NETO2: variants seen among roughly 807,000 people sequenced by gnomAD.
The protein encoded by NETO2 is neuropilin and tolloid like 2.
A neutral mutation model predicts 62.5 loss-of-function variants in NETO2; 28 were observed. The observed-to-expected ratio is 0.45, with a 90% CI of 0.33 to 0.61. The LOEUF (loss-of-function observed/expected upper bound fraction) is 0.61, where lower values mean the gene tolerates loss of function less well. NETO2 is among the 20% of genes least tolerant of loss of function. The probability of loss-of-function intolerance (pLI) is 0.02; values close to 1 mark genes in which losing one functional copy is unlikely to be tolerated. For missense variants in NETO2, 548 were observed against 643.2 expected, an observed-to-expected ratio of 0.85 and a Z score of 1.60; for synonymous variants, 214 against 219.1, an observed-to-expected ratio of 0.98 and a Z score of 0.21.
At chr16:47,112,902 T>C (rs1963829778) in intron 6 of NETO2, among the ~76,000 whole-genome samples, 2 of 152,240 alleles carry the variant, frequency 1.3e-5, no homozygotes, top group Admixed American at 6.5e-5. Context: ...CACTTAATAT[T>C]TTCATACTTA....
At chr16:47,094,412 T>C (rs1359526924) in intron 7 of NETO2, among the ~76,000 whole-genome samples, 3 of 149,056 alleles carry the variant, frequency 2.0e-5, no homozygotes, top group South Asian at 2.1e-4. Flanking sequence ...GTTTTATTTA[T>C]TTACTTATTT....
intron 2 of NETO2, 91 bp from the exon 3 acceptor site, chr16:47,129,455 C>T (rs1427190860): frequency 1.5e-6 from 2 of 1,295,154 alleles, no homozygotes; most frequent in Non-Finnish European, 2.2e-6. Context: ...ATTGCTCACT[C>T]TATGCTACAT....
At chr16:47,114,187 T>C (rs1296358195) in intron 6 of NETO2, among the ~76,000 whole-genome samples, 1 of 152,158 alleles carries the variant, frequency 6.6e-6, no homozygotes, top group Non-Finnish European at 1.5e-5. Flanking sequence ...GTTATTCTAA[T>C]GGAGAATAGT....
chr16:47,097,588 G>T lies in NETO2; in HGVS notation c.884-11249C>A, dbSNP rs530271826. Among the ~76,000 whole-genome samples, 4 of 152,324 alleles carry T rather than the reference G, an allele frequency of 2.6e-5. No homozygotes were observed. The South Asian group carries it at 8.3e-4, about 32-fold the overall frequency. On this transcript the variant is annotated intron_variant, in intron 7 of 8. Coordinates refer to ENST00000562435, the MANE Select transcript of NETO2 (RefSeq NM_018092.5). ...AGCACCTGGGGGAAGGGGCCGCTGT[G>T]GGTGCAGCTTCAGCAGACTTAAACG... is the stretch of plus-strand genomic sequence containing the variant.
chr16:47,133,523 C>T (rs1188296713), intron 1 of NETO2, among the ~76,000 whole-genome samples: 1 of 151,798 alleles, frequency 6.6e-6, no homozygotes, highest in African/African-American at 2.4e-5. Context: ...CGTGCCACTG[C>T]ACTACTGCCT....
At chr16:47,143,469 A>T in intron 1 of NETO2, 110 bp downstream of exon 1, 2 of 1,158,436 alleles carry the variant, frequency 1.7e-6, no homozygotes, top group Non-Finnish European at 2.2e-6. Context: ...CCAGACAAAG[A>T]GGCGCGTCGG....
chr16:47,127,941 T>G (rs1033295038), intron 4 of NETO2, among the ~76,000 whole-genome samples: 6 of 152,352 alleles, frequency 3.9e-5, no homozygotes, highest in South Asian at 2.1e-4. Context: ...AGTGGTTAAT[T>G]CTAACAGCTA....
At chr16:47,093,858 C>A (rs1047110849) in intron 7 of NETO2, among the ~76,000 whole-genome samples, 73 of 152,324 alleles carry the variant, frequency 4.8e-4, no homozygotes, top group African/African-American at 1.7e-3. Flanking sequence ...TTTGTATTTA[C>A]AAACTCTGTA....
intron 6 of NETO2, among the ~76,000 whole-genome samples, chr16:47,112,403 G>C (rs1963819719): frequency 6.6e-6 from 1 of 152,130 alleles, no homozygotes; most frequent in African/African-American, 2.4e-5. Flanking sequence ...CTGTCTCCTA[G>C]GTTGGAGTTC....
chr16:47,115,680 C>A (rs535724012), intron 6 of NETO2, among the ~76,000 whole-genome samples: 61 of 128,642 alleles, frequency 4.7e-4, no homozygotes, highest in African/African-American at 2.2e-3. Context: ...GCTGCAGCCA[C>A]CATGCCCGGC....
In NETO2 at chr16:47,082,980, AT is replaced by A. The variant is rs1213409466; in HGVS notation, c.*240del. 4 of 414,554 alleles carry A rather than the reference AT, an allele frequency of 9.6e-6. No individual in the cohort carries two copies. The East Asian group carries it at 1.5e-4, about 15-fold the overall frequency. 25.7% of individuals were successfully genotyped at this position (414,554 alleles called of 1,614,324 possible). A position where few individuals can be genotyped will look rare whatever the true frequency, so the allele number is the denominator to read the frequency against. ...TGCTCTTTAACTGGCAGTGCTTCCT[AT>A]AAATGACACCAAGCAATAGAGATGA... is the stretch of plus-strand genomic sequence containing the variant. On this transcript the variant is annotated 3_prime_UTR_variant, in exon 9 of 9. Coordinates refer to ENST00000562435, the MANE Select transcript of NETO2 (RefSeq NM_018092.5).
intron 1 of NETO2, among the ~76,000 whole-genome samples, chr16:47,142,977 A>G (rs1964491833): frequency 6.6e-6 from 1 of 151,806 alleles, no homozygotes; most frequent in Non-Finnish European, 1.5e-5. Context: ...GGGCCGGGAC[A>G]AGCCGGGTCC....
chr16:47,115,732 C>CATATATATATATATATATATATATATAT (rs1390345855), intron 6 of NETO2, among the ~76,000 whole-genome samples: 1 of 134,490 alleles, frequency 7.4e-6, no homozygotes, highest in African/African-American at 3.2e-5. Flanking sequence ...TATATATATA[C>CATATATATATATATATATATATATATAT]ATGTATATAT....
At chr16:47,094,008 C>T (rs1340762148) in intron 7 of NETO2, among the ~76,000 whole-genome samples, 2 of 152,102 alleles carry the variant, frequency 1.3e-5, no homozygotes, top group Non-Finnish European at 2.9e-5. Context: ...AACATACAAA[C>T]TCAACTATAT....
chr16:47,111,385 C>A (rs920568771), intron 6 of NETO2, among the ~76,000 whole-genome samples: 1 of 152,048 alleles, frequency 6.6e-6, no homozygotes, highest in African/African-American at 2.4e-5. Context: ...AAAAAAACAT[C>A]GAGTTAAAGA....
rs577064209 is a variant in NETO2, at chr16:47,136,516, G to A, written c.35-4491C>T. 4.6e-5 allele frequency among the ~76,000 whole-genome samples: 7 copies of A among 152,182 alleles called. No individual in the cohort carries two copies. The East Asian group carries it at 1.2e-3, about 25-fold the overall frequency. ...CTGCTTCTGGGTTCAAGCAATTCTC[G>A]TACCTCAGTTTCCTGAGTAGCTGGG... On this transcript the variant is annotated intron_variant, in intron 1 of 8. Transcript: ENST00000562435.
Position 47,128,334 on chromosome 16 carries a change from A to G in NETO2, c.472T>C (p.Phe158Leu). The G allele has an allele frequency of 6.2e-7, 1 of 1,613,222 alleles. No individual in the cohort carries two copies. Among genetic ancestry groups the G allele is most frequent in the Non-Finnish European group, 8.5e-7 (1 of 1,179,592 alleles). ...ATAACTTATTCTTTACCTGGAATAA[A>G]TGAATATTTTGCTCGAAATCCCAGT... ...EGLGFRAKYS[F>L]IPDPDFTYLG... The change falls in exon 4 of 9, where the codon TTT (phenylalanine) becomes CTT (leucine). Residue 158 changes from phenylalanine (F) to leucine (L), a missense_variant. By Grantham distance (22) the Phe-to-Leu change is conservative (BLOSUM62 0). Coordinates refer to ENST00000562435, the MANE Select transcript of NETO2 (RefSeq NM_018092.5).
intron 6 of NETO2, among the ~76,000 whole-genome samples, chr16:47,111,230 C>T (rs866649625): frequency 6.6e-6 from 1 of 152,134 alleles, no homozygotes; most frequent in Non-Finnish European, 1.5e-5. Flanking sequence ...AGTGACTAGG[C>T]TTGTAAAACT....
intron 1 of NETO2, among the ~76,000 whole-genome samples, chr16:47,132,882 G>T (rs549047498): frequency 6.6e-6 from 1 of 152,184 alleles, no homozygotes; most frequent in Non-Finnish European, 1.5e-5. Flanking sequence ...CTAGGCTAGG[G>T]TTCAAGTTTT....
Sources: gnomAD v4.1 joint callset for allele counts (sites outside exome capture counted in the v4.1 genomes callset) on GRCh38, gnomAD v4.1.1 for gene constraint, MANE v1.5 for transcripts, NCBI Gene and HGNC (gene_info 2026-07-23, HGNC 2026-07-21) for gene names.